Variants in IL18R1 observed in about 807,000 individuals in gnomAD.
IL18R1 encodes interleukin 18 receptor 1, also known as interleukin-18 receptor 1.
Under a neutral mutation model 48.5 loss-of-function variants are expected in IL18R1, and 40 were observed. That is an observed-to-expected ratio of 0.82 (90% CI 0.64 to 1.07). IL18R1 has a LOEUF of 1.07. Ranked by LOEUF, IL18R1 falls within the 50% of genes least tolerant of loss-of-function variation. The pLI is 0.00. For missense variants in IL18R1, 596 were observed against 633.7 expected (o/e 0.94, Z 0.64); for synonymous variants, 232 against 225.9 (o/e 1.03, Z -0.24).
chr2:102,381,520 G>GA (rs1679916840), intron 5 of IL18R1, 100 bp from the exon 6 acceptor site: 1 of 852,228 alleles, frequency 1.2e-6, no homozygotes, highest in East Asian at 2.5e-5. Flanking sequence ...GTAACTATTG[G>GA]AATCTTTGTT....
intron 5 of IL18R1, among the ~76,000 whole-genome samples, chr2:102,378,431 A>G (rs1185905910): frequency 6.6e-6 from 1 of 152,090 alleles, no homozygotes; most frequent in Admixed American, 6.5e-5. Context: ...TGTAATGACC[A>G]TCTCCCACTG....
At chr2:102,358,131 A>T (rs1263286760) in intron 1 of IL18R1, among the ~76,000 whole-genome samples, 1 of 152,208 alleles carries the variant, frequency 6.6e-6, no homozygotes, top group Admixed American at 6.5e-5. Flanking sequence ...CCTTGTGAAT[A>T]GCTGTAATCT....
chr2:102,396,247 A>T (rs1680818305), intron 10 of IL18R1, among the ~76,000 whole-genome samples: 1 of 152,158 alleles, frequency 6.6e-6, no homozygotes, highest in South Asian at 2.1e-4. Context: ...AGGTGATAAC[A>T]GTATCTTCTC....
chr2:102,362,321 C>T (rs1291813304), intron 1 of IL18R1, among the ~76,000 whole-genome samples: 7 of 152,190 alleles, frequency 4.6e-5, no homozygotes, highest in Non-Finnish European at 1.0e-4. Flanking sequence ...ATATTTGTAG[C>T]AGTACTATTG....
chr2:102,359,726 T>G (rs1043026367), intron 1 of IL18R1, among the ~76,000 whole-genome samples: 2 of 152,214 alleles, frequency 1.3e-5, no homozygotes, highest in African/African-American at 4.8e-5. Context: ...ATATGAATAT[T>G]GCAACACTTC....
Position 102,378,346 on chromosome 2 carries a change from G to A in IL18R1, c.625+2283G>A, listed in dbSNP as rs116045621. On this transcript the variant is annotated intron_variant, in intron 5 of 10. Coordinates refer to ENST00000233957, the MANE Select transcript of IL18R1 (RefSeq NM_003855.5). ...ATGGGACAGTAATGGTTCATCCCTC[G>A]TAGGGTTGGCTGACAATGACTGAGT... 2.2e-3 allele frequency among the ~76,000 whole-genome samples: 341 copies of A among 152,272 alleles called. 1 individual carries two copies. In the South Asian group the frequency reaches 0.03, roughly 14 times the overall value.
chr2:102,388,870 A>T (rs11903946), intron 8 of IL18R1, among the ~76,000 whole-genome samples: 5 of 151,876 alleles, frequency 3.3e-5, no homozygotes, highest in Non-Finnish European at 7.4e-5. Context: ...GATAATTTTT[A>T]AAAATTGCAC....
At chr2:102,388,564 C>T (rs549401182) in intron 8 of IL18R1, among the ~76,000 whole-genome samples, 16 of 152,170 alleles carry the variant, frequency 1.1e-4, no homozygotes, top group Non-Finnish European at 1.3e-4. Flanking sequence ...ACCACCGGAT[C>T]ACCTCTCCTT....
chr2:102,382,274 AAAT>A (rs963661956), intron 6 of IL18R1, among the ~76,000 whole-genome samples: 2 of 152,022 alleles, frequency 1.3e-5, no homozygotes, highest in Admixed American at 6.6e-5. Flanking sequence ...TCTATCTCAA[AAAT>A]AATAATAATA....
At chr2:102,371,922 T>G (rs1203908939) in intron 3 of IL18R1, 31 bp from the exon 4 acceptor site, 1 of 1,303,624 alleles carries the variant, frequency 7.7e-7, no homozygotes, top group Admixed American at 2.5e-5. Context: ...TCTGTAGCAT[T>G]ATAAAATACC....
chr2:102,376,048 A>G lies in IL18R1; in HGVS notation c.610A>G (p.Ile204Val). 6 of 1,584,242 alleles carry G rather than the reference A, an allele frequency of 3.8e-6. 1 individual carries two copies. In the South Asian group the frequency reaches 4.7e-5, roughly 12 times the overall value. ...ATTTAATATCACCAAAACCTTCAAT[A>G]TAACAATAGTGGAAGGTAAGGGAAA... ...KLFNITKTFN[I>V]TIVEDRSNIV... is the part of the protein sequence containing the mutation. The change falls in exon 5 of 11, where the codon ATA becomes GTA. Residue 204 changes from isoleucine to valine, a missense_variant. By Grantham distance (29) the Ile-to-Val change is conservative. Coordinates refer to ENST00000233957, the MANE Select transcript of IL18R1 (RefSeq NM_003855.5).
At chr2:102,393,410 A>C (rs1372420066) in intron 9 of IL18R1, among the ~76,000 whole-genome samples, 1 of 152,234 alleles carries the variant, frequency 6.6e-6, no homozygotes, top group African/African-American at 2.4e-5. Flanking sequence ...TTAAATCAAC[A>C]ATAGGTTCTA....
chr2:102,358,710 G>A (rs1222432680), intron 1 of IL18R1, among the ~76,000 whole-genome samples: 3 of 152,148 alleles, frequency 2.0e-5, no homozygotes, highest in Admixed American at 6.5e-5. Flanking sequence ...GGTGGAGCCC[G>A]GGCATCATTA....
intron 8 of IL18R1, among the ~76,000 whole-genome samples, chr2:102,387,818 A>G (rs1680326953): frequency 1.3e-5 from 2 of 152,100 alleles, no homozygotes; most frequent in Non-Finnish European, 1.5e-5. Context: ...AAAGAGAGAT[A>G]CATGAGATGG....
intron 6 of IL18R1, 40 bp downstream of exon 6, chr2:102,381,722 G>C: frequency 7.3e-7 from 1 of 1,361,768 alleles, no homozygotes; most frequent in Non-Finnish European, 1.0e-6. Context: ...TTATAAGTAG[G>C]GGACATAATA....
intron 7 of IL18R1, among the ~76,000 whole-genome samples, chr2:102,385,919 T>A (rs1680197466): frequency 6.6e-6 from 1 of 152,256 alleles, no homozygotes; most frequent in South Asian, 2.1e-4. Context: ...AAATGCAGCT[T>A]AAGCTACAAA....
At chr2:102,392,806 T>A (rs886540250) in intron 9 of IL18R1, among the ~76,000 whole-genome samples, 17 of 151,648 alleles carry the variant, frequency 1.1e-4, no homozygotes, top group Non-Finnish European at 2.2e-4. Flanking sequence ...ATTTCCTTTA[T>A]AATTTTCCTT....
At chr2:102,392,774 C>T (rs949477707) in intron 9 of IL18R1, among the ~76,000 whole-genome samples, 1 of 152,020 alleles carries the variant, frequency 6.6e-6, no homozygotes, top group Non-Finnish European at 1.5e-5. Flanking sequence ...CCTTGAAGTC[C>T]CAAATATCCA....
intron 5 of IL18R1, among the ~76,000 whole-genome samples, chr2:102,377,049 T>G (rs1258689772): frequency 2.6e-5 from 4 of 152,222 alleles, no homozygotes; most frequent in Non-Finnish European, 1.5e-5. Flanking sequence ...CCAGTCTGGA[T>G]TTTTTTCCCC....
Sources: allele counts gnomAD v4.1 joint callset (sites outside exome capture counted in the v4.1 genomes callset), GRCh38; gene constraint gnomAD v4.1.1; transcripts MANE v1.5; gene names NCBI Gene and HGNC (gene_info 2026-07-23, HGNC 2026-07-21).